VAV2: variants seen among roughly 807,000 people sequenced by gnomAD.
The protein encoded by VAV2 is guanine nucleotide exchange factor VAV2.
VAV2 carries 67 observed loss-of-function variants against 132.5 expected under a neutral mutation model. That is an observed-to-expected ratio of 0.51 (90% CI 0.42 to 0.62). The LOEUF is 0.62. Ranked by LOEUF, VAV2 falls within the 20% of genes least tolerant of loss-of-function variation. The probability of loss-of-function intolerance (pLI) is 0.00; values close to 1 mark genes in which losing one functional copy is unlikely to be tolerated. For missense variants in VAV2, 938 were observed against 1,153.6 expected, an observed-to-expected ratio of 0.81 and a Z score of 2.71; for synonymous variants, 492 against 443.5, an observed-to-expected ratio of 1.11 and a Z score of -1.37.
chr9:133,866,409 A>G (rs1001679554), intron 2 of VAV2, among the ~76,000 whole-genome samples: 3 of 152,158 alleles, frequency 2.0e-5, no homozygotes, highest in African/African-American at 4.8e-5. Context: ...TCCAAGCAAA[A>G]CAGCCGTCAA....
At chr9:133,914,461 TAGTG>T (rs1839986830) in intron 2 of VAV2, among the ~76,000 whole-genome samples, 1 of 149,186 alleles carries the variant, frequency 6.7e-6, no homozygotes, top group Non-Finnish European at 1.5e-5. Flanking sequence ...AGCGCTGACT[TAGTG>T]AGCCTGGAGG....
intron 10 of VAV2, among the ~76,000 whole-genome samples, chr9:133,797,152 G>T (rs1443257923): frequency 1.3e-5 from 2 of 152,228 alleles, no homozygotes; most frequent in Non-Finnish European, 2.9e-5. Context: ...AACAGGAGGG[G>T]CTGGGAGGGG....
chr9:133,897,607 C>T (rs959940394), intron 2 of VAV2, among the ~76,000 whole-genome samples: 2 of 152,096 alleles, frequency 1.3e-5, no homozygotes, highest in South Asian at 2.1e-4. Context: ...TCCCCACCTC[C>T]GCAGCAACAC....
chr9:133,825,710 C>A (rs568196498), intron 4 of VAV2, among the ~76,000 whole-genome samples: 1 of 152,042 alleles, frequency 6.6e-6, no homozygotes, highest in Non-Finnish European at 1.5e-5. Flanking sequence ...TAGAGGACAG[C>A]GGTTTGTTCC....
intron 4 of VAV2, among the ~76,000 whole-genome samples, chr9:133,831,257 G>A (rs2131770747): frequency 6.6e-6 from 1 of 152,250 alleles, no homozygotes; most frequent in Non-Finnish European, 1.5e-5. Flanking sequence ...CCAACACGGT[G>A]AAACCTTGTC....
rs567055756 is a variant in VAV2 at position 133,967,927 on chromosome 9, T to C, written c.204+24148A>G. Among the ~76,000 whole-genome samples the C allele has an allele frequency of 6.3e-3, 434 of 68,448 alleles. 1 individual carries two copies. Among genetic ancestry groups the C allele is most frequent in the African/African-American group, 0.022 (419 of 19,228 alleles). 44.9% of individuals were successfully genotyped at this position (68,448 alleles called of 152,430 possible). A position where few individuals can be genotyped will look rare whatever the true frequency, so the allele number is the denominator to read the frequency against. On this transcript the variant is annotated intron_variant, in intron 1 of 29. Coordinates refer to ENST00000371850, the MANE Select transcript of VAV2 (RefSeq NM_001134398.2). Reference sequence around the variant, plus strand: ...CAGCCTGGGCAACAGAGGAAGACTCTATAACCAAAAAAAAAAAAAAAAAAA... The same window carrying C: ...CAGCCTGGGCAACAGAGGAAGACTCCATAACCAAAAAAAAAAAAAAAAAAA...
At chr9:133,916,291 G>A (rs545403756) in intron 2 of VAV2, among the ~76,000 whole-genome samples, 4 of 152,372 alleles carry the variant, frequency 2.6e-5, no homozygotes, top group Admixed American at 6.5e-5. Flanking sequence ...GAAGAAAGGC[G>A]CAAGATGAAT....
intron 4 of VAV2, among the ~76,000 whole-genome samples, chr9:133,827,132 G>A (rs1836023142): frequency 1.3e-5 from 2 of 152,204 alleles, no homozygotes; most frequent in African/African-American, 2.4e-5. Context: ...TCAGAGAGAT[G>A]CTTCTTGAAG....
chr9:133,889,767 AT>A (rs1018698696), intron 2 of VAV2, among the ~76,000 whole-genome samples: 1 of 151,574 alleles, frequency 6.6e-6, no homozygotes, highest in Non-Finnish European at 1.5e-5. Flanking sequence ...CACACAAAAA[AT>A]TTTTTTCTTC....
chr9:133,932,620 G>A (rs904134077), intron 2 of VAV2, among the ~76,000 whole-genome samples: 3 of 152,200 alleles, frequency 2.0e-5, no homozygotes, highest in African/African-American at 7.2e-5. Flanking sequence ...CCTCCAAGGG[G>A]ACAGTCTCAA....
chr9:133,868,493 G>C (rs575973764), intron 2 of VAV2, among the ~76,000 whole-genome samples: 1 of 152,354 alleles, frequency 6.6e-6, no homozygotes, highest in Admixed American at 6.5e-5. Flanking sequence ...AGGTGAATGA[G>C]ACGGAGCCTG....
chr9:133,917,326 A>G (rs1381100461), intron 2 of VAV2, among the ~76,000 whole-genome samples: 1 of 152,200 alleles, frequency 6.6e-6, no homozygotes, highest in Non-Finnish European at 1.5e-5. Context: ...CTACGCCGAC[A>G]GGGACAAACT....
chr9:133,764,572 C>T (rs1432744001), intron 29 of VAV2, among the ~76,000 whole-genome samples: 2 of 152,046 alleles, frequency 1.3e-5, no homozygotes, highest in Non-Finnish European at 2.9e-5. Context: ...TACCAGAGAA[C>T]CTAAATCGGA....
At chr9:133,787,752 T>A (rs1834285679) in intron 15 of VAV2, among the ~76,000 whole-genome samples, 1 of 151,716 alleles carries the variant, frequency 6.6e-6, no homozygotes, top group Non-Finnish European at 1.5e-5. Flanking sequence ...TTCGGCCCCG[T>A]CCCTGTAGCC....
At chr9:133,896,733 C>G (rs79867740) in intron 2 of VAV2, among the ~76,000 whole-genome samples, 2 of 152,028 alleles carry the variant, frequency 1.3e-5, no homozygotes, top group Non-Finnish European at 2.9e-5. Flanking sequence ...ATTGTGTTTA[C>G]GAAGAAAAGT....
At chr9:133,934,013 TGGATGGAC>T in intron 2 of VAV2, among the ~76,000 whole-genome samples, 1 of 149,570 alleles carries the variant, frequency 6.7e-6, no homozygotes, top group African/African-American at 2.5e-5. Context: ...GATGGATGGA[TGGATGGAC>T]GGATGGGTGG....
chr9:133,955,466 C>T (rs1293667323), intron 1 of VAV2, among the ~76,000 whole-genome samples: 1 of 108,614 alleles, frequency 9.2e-6, no homozygotes, highest in Non-Finnish European at 1.9e-5. Context: ...CTCCCCCTGC[C>T]ATGCTGCCCC....
At chr9:133,905,058 G>C (rs982485641) in intron 2 of VAV2, among the ~76,000 whole-genome samples, 1 of 152,138 alleles carries the variant, frequency 6.6e-6, no homozygotes, top group Non-Finnish European at 1.5e-5. Flanking sequence ...CTTCTCCCAG[G>C]GCGGGGGGCT....
In VAV2 at chr9:133,783,427, C is replaced by G. The variant is rs1386909876; in HGVS notation, c.1723+76G>C. 2.1e-6 allele frequency: 3 copies of G among 1,444,628 alleles called. No individual in the cohort carries two copies. In the Admixed American group the frequency reaches 5.1e-5, roughly 25 times the overall value. The allele number at this position is 1,444,628 out of a possible 1,614,324, so 89.5% of individuals were successfully genotyped here. On this transcript the variant is annotated intron_variant, in intron 19 of 29. Coordinates refer to ENST00000371850, the MANE Select transcript of VAV2 (RefSeq NM_001134398.2). ...CCCGTGGGAGATGGTGCCCGAGGCC[C>G]GTACCCAGGTGGTAGGGGGCAGAAG...
Sources: allele counts gnomAD v4.1 joint callset (sites outside exome capture counted in the v4.1 genomes callset), GRCh38; gene constraint gnomAD v4.1.1; transcripts MANE v1.5; gene names NCBI Gene and HGNC (gene_info 2026-07-23, HGNC 2026-07-21).